NAV3: variants seen among roughly 807,000 people sequenced by gnomAD.
NAV3 encodes the protein pore membrane and/or filament interacting like protein 1.
Under a neutral mutation model 244.7 loss-of-function variants are expected in NAV3, and 87 were observed. The observed-to-expected ratio is 0.36, with a 90% CI of 0.30 to 0.42. The LOEUF (loss-of-function observed/expected upper bound fraction) is 0.42. Ranked by LOEUF, NAV3 falls within the 20% of genes least tolerant of loss-of-function variation. The pLI is 1.00. For missense variants in NAV3, 2,663 were observed against 2,893.3 expected, an observed-to-expected ratio of 0.92 and a Z score of 1.83; for synonymous variants, 1,126 against 1,042.2, an observed-to-expected ratio of 1.08 and a Z score of -1.55.
intron 20 of NAV3, chr12:78,145,095 C>A: frequency 3.3e-6 from 1 of 304,776 alleles, no homozygotes; most frequent in Admixed American, 4.8e-5. Flanking sequence ...ATTCAAAAAC[C>A]AAACTGTGTA....
At chr12:78,023,638 T>C (rs1255137818) in intron 9 of NAV3, among the ~76,000 whole-genome samples, 1 of 152,190 alleles carries the variant, frequency 6.6e-6, no homozygotes, top group Non-Finnish European at 1.5e-5. Flanking sequence ...ATGTCTCTCG[T>C]TGCTTGAGAT....
intron 1 of NAV3, among the ~76,000 whole-genome samples, chr12:77,900,266 C>T (rs1355584605): frequency 6.6e-6 from 1 of 151,942 alleles, no homozygotes; most frequent in South Asian, 2.1e-4. Flanking sequence ...TTAGTAGAGA[C>T]AGGGTTTCAC....
At chr12:77,854,909 C>T (rs1425379207) in intron 1 of NAV3, among the ~76,000 whole-genome samples, 1 of 152,018 alleles carries the variant, frequency 6.6e-6, no homozygotes, top group Non-Finnish European at 1.5e-5. Flanking sequence ...AGGCAGATCA[C>T]GAGGTCAGGA....
intron 1 of NAV3, among the ~76,000 whole-genome samples, chr12:77,879,987 T>C (rs1882420118): frequency 6.6e-6 from 1 of 152,158 alleles, no homozygotes; most frequent in Non-Finnish European, 1.5e-5. Flanking sequence ...ATAATCCTGA[T>C]AATCCCTGCC....
chr12:78,023,837 G>A (rs1877553397), intron 9 of NAV3, among the ~76,000 whole-genome samples: 1 of 151,576 alleles, frequency 6.6e-6, no homozygotes, highest in Non-Finnish European at 1.5e-5. Flanking sequence ...TACCATTTCT[G>A]CCTTAATTTT....
intron 2 of NAV3, among the ~76,000 whole-genome samples, chr12:77,669,079 T>C (rs1365305779): frequency 6.6e-6 from 1 of 152,154 alleles, no homozygotes; most frequent in Non-Finnish European, 1.5e-5. Flanking sequence ...AGATACCGTG[T>C]TTCCCAAATG....
intron 2 of NAV3, among the ~76,000 whole-genome samples, chr12:77,760,506 G>C (rs1168516611): frequency 1.3e-5 from 2 of 152,198 alleles, no homozygotes; most frequent in Non-Finnish European, 2.9e-5. Context: ...CAGTTGGAGA[G>C]TTTGAAAAGG....
intron 1 of NAV3, among the ~76,000 whole-genome samples, chr12:77,849,633 C>T (rs1877190803): frequency 6.6e-6 from 1 of 152,140 alleles, no homozygotes; most frequent in South Asian, 2.1e-4. Context: ...TAGTTTCCAT[C>T]CCCAAGATAC....
chr12:77,698,555 G>A (rs1592594447), intron 2 of NAV3, among the ~76,000 whole-genome samples: 2 of 152,130 alleles, frequency 1.3e-5, no homozygotes, highest in Non-Finnish European at 2.9e-5. Context: ...AAAGCCAAGA[G>A]TTGATGAGAA....
chr12:78,050,877 C>G lies in NAV3; in HGVS notation c.2246C>G (p.Pro749Arg), dbSNP rs749764974. ...ACCTGGAGGTTGGGCCAGGCATGTC[C>G]GCGACTTCAGGCGGGAGATGCTCCC... ...PMTWRLGQACPRLQAGDAPSL... is the reference protein window; with the variant it reads ...PMTWRLGQACRRLQAGDAPSL... Residue 749 changes from proline (P) to arginine (R), a missense_variant, in exon 11 of 40, where the codon CCG becomes CGG. Transcript: ENST00000397909. 6.2e-7 allele frequency: 1 copy of G among 1,614,086 alleles called. No individual in the cohort carries two copies. The highest frequency in any genetic ancestry group is 8.5e-7 in the Non-Finnish European group (1 of 1,180,004).
intron 3 of NAV3, among the ~76,000 whole-genome samples, chr12:77,951,482 T>G (rs1013974718): frequency 1.3e-5 from 2 of 152,158 alleles, no homozygotes; most frequent in Non-Finnish European, 2.9e-5. Context: ...GACTGTAAAC[T>G]AGTTCAACAA....
intron 9 of NAV3, among the ~76,000 whole-genome samples, chr12:78,040,749 C>T (rs1880716888): frequency 6.6e-6 from 1 of 152,066 alleles, no homozygotes; most frequent in African/African-American, 2.4e-5. Context: ...TCTCAATATA[C>T]TCCTTCTTTC....
At chr12:78,154,267 G>A (rs1213942685) in intron 22 of NAV3, among the ~76,000 whole-genome samples, 4 of 72,656 alleles carry the variant, frequency 5.5e-5, no homozygotes, top group Non-Finnish European at 1.2e-4. Context: ...ATAATATATA[G>A]TATATATTAC....
At chr12:77,573,241 G>T (rs926510549) in intron 2 of NAV3, among the ~76,000 whole-genome samples, 1 of 152,150 alleles carries the variant, frequency 6.6e-6, no homozygotes, top group African/African-American at 2.4e-5. Context: ...CAACTAGTTA[G>T]GTCTTTCACA....
At chr12:77,615,455 T>G (rs137867209) in intron 2 of NAV3, among the ~76,000 whole-genome samples, 53 of 152,236 alleles carry the variant, frequency 3.5e-4, no homozygotes, top group African/African-American at 1.2e-3. Flanking sequence ...CACTTACAAG[T>G]GTAGGCATGC....
chr12:77,622,555 T>TTTTG (rs1871425296), intron 2 of NAV3, among the ~76,000 whole-genome samples: 1 of 148,854 alleles, frequency 6.7e-6, no homozygotes, highest in Non-Finnish European at 1.5e-5. Context: ...TTTTTTTTTT[T>TTTTG]TTTTTACTGG....
intron 2 of NAV3, among the ~76,000 whole-genome samples, chr12:77,603,219 T>C (rs1290633579): frequency 6.6e-6 from 1 of 151,994 alleles, no homozygotes; most frequent in African/African-American, 2.4e-5. Context: ...CTCTTTGGTA[T>C]GTGGAAACTA....
intron 2 of NAV3, among the ~76,000 whole-genome samples, chr12:77,721,932 C>T (rs1876654789): frequency 6.6e-6 from 1 of 152,078 alleles, no homozygotes; most frequent in African/African-American, 2.4e-5. Context: ...AGACCTGGAA[C>T]ACACAATACT....
At chr12:77,863,737 G>A (rs778530598) in intron 1 of NAV3, among the ~76,000 whole-genome samples, 63 of 151,692 alleles carry the variant, frequency 4.2e-4, no homozygotes, top group Admixed American at 1.7e-3. Context: ...AAAAAAAATG[G>A]AAATCTATAT....
Sources: allele counts gnomAD v4.1 joint callset (sites outside exome capture counted in the v4.1 genomes callset), GRCh38; gene constraint gnomAD v4.1.1; transcripts MANE v1.5; gene names NCBI Gene and HGNC (gene_info 2026-07-23, HGNC 2026-07-21).